The following AKT3 variants were observed in gnomAD, a reference collection of about 807,000 sequenced individuals.
AKT3 encodes AKT serine/threonine kinase 3, also known as RAC-gamma serine/threonine-protein kinase.
AKT3 carries 15 observed loss-of-function variants against 65.3 expected under a neutral mutation model. The ratio of observed to expected loss-of-function variants is 0.23; its 90% confidence interval spans 0.15 to 0.35. The LOEUF (loss-of-function observed/expected upper bound fraction) is 0.35. Ranked by LOEUF, AKT3 falls within the 10% of genes least tolerant of loss-of-function variation. The probability of loss-of-function intolerance (pLI) is 1.00; values close to 1 mark genes in which losing one functional copy is unlikely to be tolerated. For synonymous variants in AKT3, 206 were observed against 183.8 expected (o/e 1.12, Z -0.98); for missense variants, 243 against 576.5 (o/e 0.42, Z 5.92).
At chr1:243,488,919 C>T in intron 13 of AKT3, 1 of 1,582,934 alleles carries the variant, frequency 6.3e-7, no homozygotes, top group South Asian at 1.1e-5. Flanking sequence ...GCTCATGGTT[C>T]CCTATCAGGG....
At chr1:243,507,836 AAGG>A (rs1417349505) in intron 13 of AKT3, among the ~76,000 whole-genome samples, 2 of 152,188 alleles carry the variant, frequency 1.3e-5, no homozygotes, top group African/African-American at 4.8e-5. Flanking sequence ...CTGTAAGAGG[AAGG>A]AGGAGGACCA....
At chr1:243,647,597 T>C (rs1680918071) in intron 4 of AKT3, among the ~76,000 whole-genome samples, 1 of 152,224 alleles carries the variant, frequency 6.6e-6, no homozygotes, top group Non-Finnish European at 1.5e-5. Flanking sequence ...TTGATTTTTG[T>C]ATATTGACTT....
intron 11 of AKT3, among the ~76,000 whole-genome samples, chr1:243,550,829 G>A (rs1403381325): frequency 1.4e-5 from 2 of 143,492 alleles, no homozygotes; most frequent in Non-Finnish European, 3.0e-5. Flanking sequence ...TGTGGTGGCA[G>A]GCGCCTGTAG....
chr1:243,636,684 C>A (rs1057038437), intron 6 of AKT3, among the ~76,000 whole-genome samples: 2 of 152,000 alleles, frequency 1.3e-5, no homozygotes, highest in African/African-American at 2.4e-5. Context: ...AATATGTGCC[C>A]CCCATAAACA....
chr1:243,621,929 C>T (rs184721929), intron 6 of AKT3, among the ~76,000 whole-genome samples: 1 of 152,310 alleles, frequency 6.6e-6, no homozygotes, highest in African/African-American at 2.4e-5. Flanking sequence ...CTAGTACAAG[C>T]CACTATCATC....
intron 2 of AKT3, among the ~76,000 whole-genome samples, chr1:243,780,777 G>A (rs916332018): frequency 6.6e-5 from 10 of 151,724 alleles, no homozygotes; most frequent in African/African-American, 2.4e-4. Context: ...ATTTTCAGTA[G>A]ATCTGGAATT....
chr1:243,570,828 G>C (rs765489012), intron 9 of AKT3, among the ~76,000 whole-genome samples: 21 of 152,066 alleles, frequency 1.4e-4, no homozygotes, highest in Non-Finnish European at 2.8e-4. Flanking sequence ...TTAAGTTAAG[G>C]CTATATTTTT....
intron 2 of AKT3, among the ~76,000 whole-genome samples, chr1:243,780,390 T>C (rs563387556): frequency 2.6e-5 from 4 of 152,138 alleles, no homozygotes; most frequent in Admixed American, 2.6e-4. Flanking sequence ...CATAACCATA[T>C]TATATCAATG....
At position 243,538,973 on chromosome 1, in the gene AKT3, C is replaced by T. The variant is rs541946862; in HGVS notation, c.1251+6537G>A. On this transcript the variant is annotated intron_variant, in intron 12 of 13. Coordinates refer to ENST00000673466, the MANE Select transcript of AKT3 (RefSeq NM_005465.7). Reference sequence around the variant, plus strand: ...AGATAAAGTCCACGATCATAGTTGACGACATCAACTATCTTTTTCAGAAAC... The same window carrying T: ...AGATAAAGTCCACGATCATAGTTGATGACATCAACTATCTTTTTCAGAAAC... Among the ~76,000 whole-genome samples, 53 of 152,160 alleles carry T rather than the reference C, an allele frequency of 3.5e-4. 1 individual carries two copies. Among genetic ancestry groups the T allele is most frequent in the African/African-American group, 1.2e-3 (49 of 41,530 alleles).
chr1:243,807,496 G>A (rs181517025), intron 2 of AKT3, among the ~76,000 whole-genome samples: 38 of 152,276 alleles, frequency 2.5e-4, no homozygotes, highest in South Asian at 1.7e-3. Context: ...AGGGGCGCCC[G>A]CCATTGCTGA....
rs560033949 is a variant in AKT3 at position 243,583,098 on chromosome 1, A to C, written c.697-10050T>G. Among the ~76,000 whole-genome samples, 563 of 147,912 alleles carry C rather than the reference A, an allele frequency of 3.8e-3. 2 individuals are homozygous for C. The highest frequency in any genetic ancestry group is 0.014 in the Middle Eastern group (4 of 280). On this transcript the variant is annotated intron_variant, in intron 8 of 13. Transcript: ENST00000673466. ...ACATATATATCTTCCATATATATATATATCTCTCTCTCTCTTCCAGTATGT... is the reference window on the plus strand; with the variant it reads ...ACATATATATCTTCCATATATATATCTATCTCTCTCTCTCTTCCAGTATGT...
At chr1:243,735,194 G>A (rs563357283) in intron 2 of AKT3, 2 of 152,156 alleles carry the variant, frequency 1.3e-5, no homozygotes, top group South Asian at 2.1e-4. Flanking sequence ...CCAGTAACAC[G>A]GTCATTTATT....
intron 1 of AKT3, chr1:243,843,520 C>G (rs1257308156): frequency 9.3e-7 from 1 of 1,080,348 alleles, no homozygotes. Flanking sequence ...ACAAAAAAGT[C>G]TTAAGAAAAC....
At chr1:243,646,109 A>G in intron 4 of AKT3, 72 bp from the exon 5 acceptor site, 3 of 1,280,428 alleles carry the variant, frequency 2.3e-6, no homozygotes, top group Non-Finnish European at 3.2e-6. Flanking sequence ...TTTATAAACT[A>G]TGAAATCAAT....
chr1:243,809,004 T>C lies in AKT3; in HGVS notation c.46+34121A>G, dbSNP rs375942484. On this transcript the variant is annotated intron_variant, in intron 2 of 13. Coordinates refer to ENST00000673466, the MANE Select transcript of AKT3 (RefSeq NM_005465.7). The stretch of plus-strand genomic sequence containing the variant: ...GCTGAGAGATTTTGTCACCACCAGG[T>C]CTGCCCTAAAAGAGCTCCTGAAGGA... Among the ~76,000 whole-genome samples, 9 of 152,248 alleles carry C rather than the reference T, an allele frequency of 5.9e-5. No homozygotes were observed. The East Asian group carries it at 7.7e-4, about 13-fold the overall frequency.
chr1:243,652,881 A>T (rs1681480961), intron 4 of AKT3, among the ~76,000 whole-genome samples: 1 of 151,904 alleles, frequency 6.6e-6, no homozygotes. Flanking sequence ...CATAATGGTA[A>T]AGGGATCGAT....
In AKT3 at chr1:243,552,530, A is replaced by G. The variant is rs951078609; in HGVS notation, c.1163+199T>C. Among the ~76,000 whole-genome samples, 3 of 152,108 alleles carry G rather than the reference A, an allele frequency of 2.0e-5. No homozygotes were observed. In the South Asian group the frequency reaches 6.2e-4, roughly 32 times the overall value. On this transcript the variant is annotated intron_variant, in intron 11 of 13. Transcript: ENST00000673466. ...ATCCTTATTTGGTAAATCTGCATAAAATTTCCAAGTTAGGAAAGAGTTGAG... is the reference window on the plus strand; with the variant it reads ...ATCCTTATTTGGTAAATCTGCATAAGATTTCCAAGTTAGGAAAGAGTTGAG...
At chr1:243,531,164 C>CA (rs2148413064) in intron 12 of AKT3, among the ~76,000 whole-genome samples, 1 of 152,306 alleles carries the variant, frequency 6.6e-6, no homozygotes, top group African/African-American at 2.4e-5. Flanking sequence ...GATCACAGCT[C>CA]ATTGCAGCCT....
chr1:243,596,675 AAATGTAAGCATATGCTT>A (rs1471650897), intron 8 of AKT3, among the ~76,000 whole-genome samples: 17 of 152,222 alleles, frequency 1.1e-4, no homozygotes, highest in African/African-American at 4.1e-4. Flanking sequence ...AATTTTTGTA[AAATGTAAGCATATGCTT>A]ACCATAAATC....
Sources: gnomAD v4.1 joint callset for allele counts (sites outside exome capture counted in the v4.1 genomes callset) on GRCh38, gnomAD v4.1.1 for gene constraint, MANE v1.5 for transcripts, NCBI Gene and HGNC (gene_info 2026-07-23, HGNC 2026-07-21) for gene names.